Variants in TM9SF2 observed in about 807,000 individuals in gnomAD.
The protein encoded by TM9SF2 is transmembrane 9 superfamily member 2.
Under a neutral mutation model 84.9 loss-of-function variants are expected in TM9SF2, and 13 were observed. That is an observed-to-expected ratio of 0.15 (90% CI 0.10 to 0.24). The LOEUF is 0.24. TM9SF2 is among the 10% of genes least tolerant of loss of function. The pLI is 1.00. For missense variants in TM9SF2, 562 were observed against 818.5 expected (o/e 0.69, Z 3.82); for synonymous variants, 273 against 285.8 (o/e 0.96, Z 0.45).
chr13:99,557,959 C>T lies in TM9SF2; in HGVS notation c.1753-1404C>T, dbSNP rs2046330923. Among the ~76,000 whole-genome samples, 3 of 152,188 alleles carry T rather than the reference C, an allele frequency of 2.0e-5. No individual in the cohort carries two copies. The South Asian group carries it at 6.2e-4, about 31-fold the overall frequency. On this transcript the variant is annotated intron_variant, in intron 15 of 16. Coordinates refer to ENST00000376387, the MANE Select transcript of TM9SF2 (RefSeq NM_004800.3). ...TCTTCTAAGTGTTATAGCTTTACCT[C>T]ATGTATTTAAGTCATTGATCTATTT... is the stretch of plus-strand genomic sequence containing the variant.
At chr13:99,516,754 A>G (rs1317156688) in intron 1 of TM9SF2, among the ~76,000 whole-genome samples, 1 of 152,154 alleles carries the variant, frequency 6.6e-6, no homozygotes, top group Non-Finnish European at 1.5e-5. Flanking sequence ...GTGTTCTTAA[A>G]TTGATGGAAG....
In TM9SF2 at chr13:99,559,452, ACTGCAGAT is replaced by A; in HGVS notation, c.1844_1851del (p.Leu615HisfsTer46). 1 of 1,614,044 alleles carries A rather than the reference ACTGCAGAT, an allele frequency of 6.2e-7. No homozygotes were observed. The highest frequency in any genetic ancestry group is 8.5e-7 in the Non-Finnish European group (1 of 1,179,970). The stretch of plus-strand genomic sequence containing the variant: ...ATGCAGTACACTACTTCTTTTCAAA[ACTGCAGAT>A]CACGGGAACAGCAAGCACAATTCTG... On this transcript the variant is annotated frameshift_variant, in exon 16 of 17. Coordinates refer to ENST00000376387, the MANE Select transcript of TM9SF2 (RefSeq NM_004800.3). LOFTEE classifies it high-confidence loss of function.
chr13:99,526,274 A>G (rs2046183069), intron 3 of TM9SF2, among the ~76,000 whole-genome samples: 1 of 152,244 alleles, frequency 6.6e-6, no homozygotes, highest in Non-Finnish European at 1.5e-5. Context: ...AGCGTGCTTA[A>G]TTGTGTATCT....
At chr13:99,537,118 C>G (rs1357281653) in intron 5 of TM9SF2, among the ~76,000 whole-genome samples, 1 of 130,578 alleles carries the variant, frequency 7.7e-6, no homozygotes, top group Non-Finnish European at 1.6e-5. Flanking sequence ...CTTTTTAAGA[C>G]CTATGTGTCT....
At chr13:99,530,780 A>T in intron 4 of TM9SF2, among the ~76,000 whole-genome samples, 1 of 152,242 alleles carries the variant, frequency 6.6e-6, no homozygotes, top group East Asian at 1.9e-4. Context: ...ACCAGTTTGT[A>T]TCAGAATCAA....
chr13:99,504,381 A>G (rs1594042262), intron 1 of TM9SF2, among the ~76,000 whole-genome samples: 2 of 152,218 alleles, frequency 1.3e-5, no homozygotes, highest in African/African-American at 4.8e-5. Context: ...CCATCTGTAA[A>G]ATAGGGATAA....
In TM9SF2 at chr13:99,555,598, C is replaced by G; in HGVS notation, c.1703C>G (p.Thr568Ser). The change falls in exon 15 of 17, where the codon ACC becomes AGC. Residue 568 changes from threonine to serine, a missense_variant. By Grantham distance (58) the Thr-to-Ser change is moderately conservative. Coordinates refer to ENST00000376387, the MANE Select transcript of TM9SF2 (RefSeq NM_004800.3). ...LFLVFIILVI[T>S]CSEATILLCY... ...CTGGTGTTTATCATTTTGGTTATTA[C>G]CTGTTCTGAAGCAACTATACTTCTT... 2.5e-6 allele frequency: 4 copies of G among 1,613,966 alleles called. No homozygotes were observed. The highest frequency in any genetic ancestry group is 3.4e-6 in the Non-Finnish European group (4 of 1,179,922).
rs1244680071 is a variant in TM9SF2 at position 99,547,084 on chromosome 13, T to G, written c.1250T>G (p.Val417Gly). 6 of 1,614,082 alleles carry G rather than the reference T, an allele frequency of 3.7e-6. No homozygotes were observed. Among genetic ancestry groups the G allele is most frequent in the Non-Finnish European group, 5.1e-6 (6 of 1,180,036 alleles). ...WVLLGTPAGY[V>G]AARFYKSFGG... ...CTGCTGGGCACCCCTGCAGGCTATG[T>G]TGCTGCCAGATTCTATAAGTGTAAG... Residue 417 changes from valine (V) to glycine (G), a missense_variant, in exon 11 of 17, where the codon GTT becomes GGT. Val to Gly is a moderately radical substitution (Grantham distance 109, BLOSUM62 -3). Coordinates refer to ENST00000376387, the MANE Select transcript of TM9SF2 (RefSeq NM_004800.3).
intron 15 of TM9SF2, among the ~76,000 whole-genome samples, chr13:99,556,664 AGC>A (rs1396649434): frequency 6.6e-6 from 1 of 151,266 alleles, no homozygotes; most frequent in African/African-American, 2.4e-5. Flanking sequence ...GCTCACTGCA[AGC>A]ACCACCTCCC....
chr13:99,522,205 G>C (rs2046163883), intron 3 of TM9SF2, among the ~76,000 whole-genome samples: 1 of 152,098 alleles, frequency 6.6e-6, no homozygotes, highest in Non-Finnish European at 1.5e-5. Context: ...ATTTTTCGTA[G>C]AGATGGGGTT....
intron 4 of TM9SF2, among the ~76,000 whole-genome samples, chr13:99,532,437 C>T (rs184904882): frequency 2.6e-5 from 4 of 152,154 alleles, no homozygotes; most frequent in African/African-American, 9.6e-5. Flanking sequence ...TGCCTATAAT[C>T]CCAGCATTTT....
intron 10 of TM9SF2, among the ~76,000 whole-genome samples, chr13:99,544,342 CAA>C (rs746029393): frequency 8.1e-6 from 1 of 123,438 alleles, no homozygotes; most frequent in Admixed American, 8.2e-5. Context: ...GACTCCATCT[CAA>C]AAAAAAAAAC....
chr13:99,538,470 G>A (rs2046244096), intron 6 of TM9SF2, among the ~76,000 whole-genome samples: 1 of 151,658 alleles, frequency 6.6e-6, no homozygotes, highest in Non-Finnish European at 1.5e-5. Flanking sequence ...TAAGATGGCA[G>A]TTAAACTTCA....
chr13:99,541,028 A>G (rs1429623348), intron 8 of TM9SF2, among the ~76,000 whole-genome samples: 1 of 152,264 alleles, frequency 6.6e-6, no homozygotes, highest in East Asian at 1.9e-4. Context: ...AAAGGACATC[A>G]TGGGACAGAA....
At chr13:99,505,247 A>G (rs1428774819) in intron 1 of TM9SF2, among the ~76,000 whole-genome samples, 1 of 147,904 alleles carries the variant, frequency 6.8e-6, no homozygotes, top group Non-Finnish European at 1.5e-5. Flanking sequence ...CCACCTCCTG[A>G]GTTTAAGCAA....
chr13:99,558,803 A>G (rs965997814), intron 15 of TM9SF2, among the ~76,000 whole-genome samples: 18 of 152,272 alleles, frequency 1.2e-4, no homozygotes, highest in Admixed American at 4.6e-4. Flanking sequence ...TGTTTTTCAC[A>G]TATTCCAAAG....
intron 4 of TM9SF2, among the ~76,000 whole-genome samples, chr13:99,531,827 T>C (rs1427389006): frequency 6.6e-6 from 1 of 152,216 alleles, no homozygotes; most frequent in Non-Finnish European, 1.5e-5. Context: ...AAATACTGCT[T>C]ATTTGCTAGA....
intron 3 of TM9SF2, among the ~76,000 whole-genome samples, chr13:99,523,840 TGAA>T (rs2046170580): frequency 6.6e-6 from 1 of 152,062 alleles, no homozygotes; most frequent in East Asian, 1.9e-4. Context: ...AATAAATCTG[TGAA>T]GGTGTGTGGG....
intron 4 of TM9SF2, among the ~76,000 whole-genome samples, 177 bp from the exon 5 acceptor site, chr13:99,536,431 C>G (rs2046234872): frequency 6.6e-6 from 1 of 151,856 alleles, no homozygotes; most frequent in South Asian, 2.1e-4. Context: ...GTATCAGATA[C>G]TGGCATATTG....
Sources: allele counts gnomAD v4.1 joint callset (sites outside exome capture counted in the v4.1 genomes callset), GRCh38; gene constraint gnomAD v4.1.1; transcripts MANE v1.5; gene names NCBI Gene and HGNC (gene_info 2026-07-23, HGNC 2026-07-21).